DTX2: variants seen among roughly 807,000 people sequenced by gnomAD.
DTX2 encodes the protein probable E3 ubiquitin-protein ligase DTX2.
In DTX2, 29 loss-of-function variants were observed where a neutral mutation model predicts 55.3. The observed-to-expected ratio is 0.52, with a 90% CI of 0.39 to 0.71. The LOEUF (loss-of-function observed/expected upper bound fraction) is 0.71, where lower values mean the gene tolerates loss of function less well. Among genes scored for constraint, DTX2 ranks in the 30% least tolerant of loss-of-function variants. The probability of loss-of-function intolerance (pLI) is 0.00; values close to 1 mark genes in which losing one functional copy is unlikely to be tolerated. For synonymous variants in DTX2, 276 were observed against 340.4 expected (o/e 0.81, Z 2.08); for missense variants, 537 against 822.5 (o/e 0.65, Z 4.25).
intron 3 of DTX2, among the ~76,000 whole-genome samples, chr7:76,481,634 A>G (rs1326562446): frequency 6.6e-6 from 1 of 151,308 alleles, no homozygotes; most frequent in Non-Finnish European, 1.5e-5. Context: ...TGGTTGTTAC[A>G]GCTGAGTGGG....
rs4618620 is a variant in DTX2, at chr7:76,480,079, C to T, written c.-89-342C>T. ...ATCCCAGCACTTGGGAAGGCTGAGG[C>T]GAGTCTATCCCTTGAGGCTGGGACT... On this transcript the variant is annotated intron_variant, in intron 2 of 10. Coordinates refer to ENST00000430490, the MANE Select transcript of DTX2 (RefSeq NM_001102594.3). Among the ~76,000 whole-genome samples the T allele has an allele frequency of 3.0e-3, 302 of 101,534 alleles. 2 individuals are homozygous for T. The highest frequency in any genetic ancestry group is 0.012 in the African/African-American group (267 of 21,610). The allele number at this position is 101,534 out of a possible 152,430, so 66.6% of individuals were successfully genotyped here.
At chr7:76,502,216 A>C in intron 7 of DTX2, 82 bp from the exon 8 acceptor site, 1 of 1,429,060 alleles carries the variant, frequency 7.0e-7, no homozygotes, top group Non-Finnish European at 9.6e-7. Flanking sequence ...ATTTCAGCAC[A>C]TGAAAGCCTC....
chr7:76,476,771 C>T lies in DTX2; in HGVS notation c.-89-3650C>T, dbSNP rs367959879. ...AATTAGATGTAGGTATCAAAGGTGG[C>T]GGGCTTGGTGTGAGTAGGAACAGTG... On this transcript the variant is annotated intron_variant, in intron 2 of 10. Transcript: ENST00000430490. 3.1e-4 allele frequency among the ~76,000 whole-genome samples: 47 copies of T among 151,588 alleles called. 1 individual carries two copies. The East Asian group carries it at 5.9e-3, about 19-fold the overall frequency.
chr7:76,501,588 C>T (rs1225678094), intron 7 of DTX2, among the ~76,000 whole-genome samples: 1 of 151,586 alleles, frequency 6.6e-6, no homozygotes, highest in African/African-American at 2.4e-5. Context: ...GGGCGCGCCT[C>T]TCCCTGATCC....
intron 4 of DTX2, among the ~76,000 whole-genome samples, chr7:76,491,154 C>T (rs6966793): frequency 1.5e-4 from 22 of 151,710 alleles, no homozygotes; most frequent in African/African-American, 5.1e-4. Flanking sequence ...CCTGCCACCA[C>T]GCCTGGCTAA....
intron 2 of DTX2, among the ~76,000 whole-genome samples, chr7:76,474,193 C>T (rs1456168632): frequency 2.4e-5 from 2 of 82,756 alleles, no homozygotes. Flanking sequence ...TTTTCTTTTT[C>T]TTTTTCTTTT....
chr7:76,471,636 CCTT>C (rs1807938709), intron 2 of DTX2, among the ~76,000 whole-genome samples: 1 of 151,292 alleles, frequency 6.6e-6, no homozygotes, highest in African/African-American at 2.5e-5. Flanking sequence ...TCAAAGCAGT[CCTT>C]CTGCCTCAGC....
intron 2 of DTX2, among the ~76,000 whole-genome samples, chr7:76,467,860 T>G (rs570024216): frequency 1.6e-3 from 238 of 151,556 alleles, no homozygotes; most frequent in African/African-American, 5.6e-3. Context: ...AAGAGATGAG[T>G]AAGTGGACAA....
At chr7:76,495,475 T>A (rs1318139739) in intron 5 of DTX2, among the ~76,000 whole-genome samples, 1 of 152,138 alleles carries the variant, frequency 6.6e-6, no homozygotes, top group Non-Finnish European at 1.5e-5. Context: ...TGGGGGGCTG[T>A]CCCTAGCCCT....
intron 8 of DTX2, 76 bp downstream of exon 8, chr7:76,502,532 G>T (rs1385968620): frequency 1.3e-6 from 2 of 1,493,468 alleles, no homozygotes; most frequent in Non-Finnish European, 1.8e-6. Flanking sequence ...GGGGCGGGAG[G>T]GTTCCGGGGG....
intron 7 of DTX2, chr7:76,501,169 C>A: frequency 2.4e-6 from 1 of 411,156 alleles, no homozygotes; most frequent in Non-Finnish European, 4.8e-6. Context: ...GGTGAACGGC[C>A]GGGAGTACCA....
At chr7:76,500,740 TCCTCTCCCGGCCCTGG>T (rs1478568985) in intron 7 of DTX2, among the ~76,000 whole-genome samples, 17 of 151,518 alleles carry the variant, frequency 1.1e-4, no homozygotes, top group African/African-American at 3.4e-4. Context: ...GCAAAGCCCC[TCCTCTCCCGGCCCTGG>T]CCTCTCCATA....
intron 2 of DTX2, among the ~76,000 whole-genome samples, chr7:76,469,017 A>G (rs1613849): frequency 0.24 from 19,604 of 80,210 alleles, 2,707 homozygotes; most frequent in South Asian, 0.33. Context: ...CACCCACCTC[A>G]GCCTCCCGAA....
chr7:76,474,284 G>A (rs1351475872), intron 2 of DTX2, among the ~76,000 whole-genome samples: 1 of 149,478 alleles, frequency 6.7e-6, no homozygotes, highest in Non-Finnish European at 1.5e-5. Flanking sequence ...CAAACGCCTG[G>A]CCTCAAGTGG....
In DTX2 at chr7:76,482,681, C is replaced by T. The variant is rs368488057; in HGVS notation, c.442C>T (p.Leu148=). Residue 148 remains leucine, a synonymous_variant, in exon 4 of 11, where the codon CTG becomes TTG. Transcript: ENST00000430490. ...RGNQLVDLAP[L]GYNYTVNYTT... Reference sequence around the variant, plus strand: ...CAACCAGCTCGTGGACTTGGCCCCCCTGGGGTACAACTACACTGTCAACTA... The same window carrying T: ...CAACCAGCTCGTGGACTTGGCCCCCTTGGGGTACAACTACACTGTCAACTA... 42 of 1,613,676 alleles carry T rather than the reference C, an allele frequency of 2.6e-5. No individual in the cohort carries two copies. The highest frequency in any genetic ancestry group is 3.2e-5 in the Non-Finnish European group (38 of 1,179,782).
intron 2 of DTX2, among the ~76,000 whole-genome samples, chr7:76,479,834 T>C (rs1177813170): frequency 2.7e-5 from 4 of 149,806 alleles, no homozygotes; most frequent in Admixed American, 6.7e-5. Context: ...AGGGGAATTA[T>C]CAGTAGCAAG....
chr7:76,502,033 C>T (rs1276399413), intron 7 of DTX2: 15 of 475,662 alleles, frequency 3.2e-5, no homozygotes, highest in Non-Finnish European at 4.8e-5. Flanking sequence ...ATTATAGGCA[C>T]CTGCCAACAC....
At chr7:76,493,732 T>C (rs1431690645) in intron 5 of DTX2, among the ~76,000 whole-genome samples, 1 of 138,350 alleles carries the variant, frequency 7.2e-6, no homozygotes, top group Non-Finnish European at 1.6e-5. Flanking sequence ...AGCCAAGGCC[T>C]GACCAGCTTC....
chr7:76,469,642 C>T (rs975606944), intron 2 of DTX2, among the ~76,000 whole-genome samples: 7 of 149,576 alleles, frequency 4.7e-5, no homozygotes. Context: ...ATCTGCCTGC[C>T]TCGGCCTCCC....
Sources: allele counts gnomAD v4.1 joint callset (sites outside exome capture counted in the v4.1 genomes callset), GRCh38; gene constraint gnomAD v4.1.1; transcripts MANE v1.5; gene names NCBI Gene and HGNC (gene_info 2026-07-23, HGNC 2026-07-21).